The following PPP1R37 variants were observed in gnomAD, a reference collection of about 807,000 sequenced individuals.
PPP1R37 encodes the protein leucine rich repeat containing 68.
PPP1R37 carries 21 observed loss-of-function variants against 61.0 expected under a neutral mutation model. That is an observed-to-expected ratio of 0.34 (90% CI 0.24 to 0.50). The LOEUF is 0.50. PPP1R37 is among the 20% of genes least tolerant of loss of function. The pLI is 0.98. For missense variants in PPP1R37, 910 were observed against 952.7 expected (o/e 0.96, Z 0.59); for synonymous variants, 443 against 433.5 (o/e 1.02, Z -0.27).
At chr19:45,097,994 A>G (rs1028768156) in intron 1 of PPP1R37, among the ~76,000 whole-genome samples, 4 of 152,006 alleles carry the variant, frequency 2.6e-5, no homozygotes, top group Admixed American at 2.6e-4. Flanking sequence ...GTTCTTGCAG[A>G]GCATTGTGTT....
In PPP1R37 at chr19:45,098,080, TG is replaced by T. The variant is rs767242893; in HGVS notation, c.202+4558del. ...ATGTCAGAGGATAGGGTGAACCTGC[TG>T]GGGGCAGGTCTCCTCAGCAAGCCAC... On this transcript the variant is annotated intron_variant, in intron 1 of 12. Transcript: ENST00000221462. Among the ~76,000 whole-genome samples, 12 of 152,274 alleles carry T rather than the reference TG, an allele frequency of 7.9e-5. No individual in the cohort carries two copies. The East Asian group carries it at 2.3e-3, about 29-fold the overall frequency.
chr19:45,141,000 C>T (rs1030121188), intron 4 of PPP1R37, among the ~76,000 whole-genome samples: 1 of 152,142 alleles, frequency 6.6e-6, no homozygotes, highest in African/African-American at 2.4e-5. Flanking sequence ...TCCCCAGGCA[C>T]CCCAGGTGTC....
intron 8 of PPP1R37, chr19:45,144,512 G>A (rs973927810): frequency 9.7e-6 from 3 of 309,600 alleles, no homozygotes; most frequent in African/African-American, 2.2e-5. Flanking sequence ...GCGAGCACTC[G>A]TGTGCTCAAA....
chr19:45,119,868 CA>C, intron 1 of PPP1R37, among the ~76,000 whole-genome samples: 1 of 152,328 alleles, frequency 6.6e-6, no homozygotes, highest in Admixed American at 6.5e-5. Flanking sequence ...GCCGCCGCCC[CA>C]GGAGGGGCTT....
At chr19:45,117,583 T>C (rs1340205050) in intron 1 of PPP1R37, among the ~76,000 whole-genome samples, 4 of 151,976 alleles carry the variant, frequency 2.6e-5, no homozygotes, top group African/African-American at 9.7e-5. Flanking sequence ...CCTTCTACGG[T>C]GGGAGGTGAT....
At chr19:45,135,586 G>T (rs1726661197) in intron 1 of PPP1R37, among the ~76,000 whole-genome samples, 2 of 152,188 alleles carry the variant, frequency 1.3e-5, no homozygotes, top group Admixed American at 1.3e-4. Flanking sequence ...TGAGCCAGGG[G>T]CTAGGACTTG....
chr19:45,134,730 T>C lies in PPP1R37; in HGVS notation c.203-3784T>C, dbSNP rs184937979. On this transcript the variant is annotated intron_variant, in intron 1 of 12. Transcript: ENST00000221462. ...ACCCACCACCACGCCCGGCTAATTTTTGTATTTTTAGTAGAAGTGCATTTC... is the reference window on the plus strand; with the variant it reads ...ACCCACCACCACGCCCGGCTAATTTCTGTATTTTTAGTAGAAGTGCATTTC... Among the ~76,000 whole-genome samples the C allele has an allele frequency of 2.2e-4, 34 of 152,162 alleles. 1 individual carries two copies. The highest frequency in any genetic ancestry group is 8.0e-4 in the African/African-American group (33 of 41,492).
At chr19:45,094,652 C>T (rs536090860) in intron 1 of PPP1R37, among the ~76,000 whole-genome samples, 4 of 151,728 alleles carry the variant, frequency 2.6e-5, no homozygotes, top group East Asian at 3.9e-4. Flanking sequence ...CGTTTGAACC[C>T]GGGAGGTGGA....
intron 1 of PPP1R37, among the ~76,000 whole-genome samples, chr19:45,099,028 G>T (rs908214473): frequency 1.3e-5 from 2 of 152,116 alleles, no homozygotes; most frequent in Admixed American, 1.3e-4. Flanking sequence ...TGATTGGGAG[G>T]ATTAAGTGAG....
At chr19:45,125,297 T>C (rs1214441964) in intron 1 of PPP1R37, among the ~76,000 whole-genome samples, 1 of 151,912 alleles carries the variant, frequency 6.6e-6, no homozygotes, top group Non-Finnish European at 1.5e-5. Context: ...ACCCCGTCTC[T>C]ACTAAAAATA....
At chr19:45,132,981 G>A (rs1331438440) in intron 1 of PPP1R37, among the ~76,000 whole-genome samples, 1 of 152,212 alleles carries the variant, frequency 6.6e-6, no homozygotes, top group East Asian at 1.9e-4. Context: ...CCATTTTAGG[G>A]ATAAAACAGT....
Position 45,093,273 on chromosome 19 carries a change from A to C in PPP1R37, c.-53A>C. On this transcript the variant is annotated 5_prime_UTR_variant, in exon 1 of 13. Transcript: ENST00000221462. ...ACGGCGGGCGGACCCGGAGAGACAAATCCGGGGCCCGGGGCATGTCCCCGG... is the reference window on the plus strand; with the variant it reads ...ACGGCGGGCGGACCCGGAGAGACAACTCCGGGGCCCGGGGCATGTCCCCGG... The C allele has an allele frequency of 1.5e-6, 2 of 1,318,194 alleles. No homozygotes were observed. Among genetic ancestry groups the C allele is most frequent in the Non-Finnish European group, 1.9e-6 (2 of 1,026,952 alleles). The allele number at this position is 1,318,194 out of a possible 1,614,324, so 81.7% of individuals were successfully genotyped here.
rs546534256 is a variant in PPP1R37, at chr19:45,135,779, C to CTTTT, written c.203-2719_203-2716dup. Among the ~76,000 whole-genome samples the CTTTT allele has an allele frequency of 1.2e-3, 159 of 128,804 alleles. 1 individual carries two copies. The highest frequency in any genetic ancestry group is 4.2e-3 in the African/African-American group (141 of 33,200). The allele number at this position is 128,804 out of a possible 152,430, so 84.5% of individuals were successfully genotyped here. Reference sequence around the variant, plus strand: ...GATAGTTCCTCCAATTTTGCATTTCCTTTTTTTTTTTTTTTTTTTGGAAAT... The same window carrying CTTTT: ...GATAGTTCCTCCAATTTTGCATTTCCTTTTTTTTTTTTTTTTTTTTTTTGGAAAT... On this transcript the variant is annotated intron_variant, in intron 1 of 12. Transcript: ENST00000221462.
At chr19:45,120,128 C>G (rs1968322809) in intron 1 of PPP1R37, among the ~76,000 whole-genome samples, 1 of 150,360 alleles carries the variant, frequency 6.7e-6, no homozygotes, top group African/African-American at 2.4e-5. Flanking sequence ...CGCCATTCTC[C>G]TGCCTCAGCC....
chr19:45,095,706 T>A (rs1319639012), intron 1 of PPP1R37, among the ~76,000 whole-genome samples: 2 of 145,708 alleles, frequency 1.4e-5, no homozygotes, highest in Non-Finnish European at 3.0e-5. Context: ...GATAGTGCAG[T>A]GAACTGTGAT....
chr19:45,122,292 A>G (rs1032104857), intron 1 of PPP1R37, among the ~76,000 whole-genome samples: 4 of 152,150 alleles, frequency 2.6e-5, no homozygotes, highest in Non-Finnish European at 5.9e-5. Context: ...CCTGCCATAG[A>G]CAAGAAGGGA....
intron 1 of PPP1R37, among the ~76,000 whole-genome samples, chr19:45,123,241 T>A (rs2122732881): frequency 6.6e-6 from 1 of 152,212 alleles, no homozygotes; most frequent in East Asian, 1.9e-4. Context: ...TTGGGGGCTG[T>A]CCCAGGGGTG....
At chr19:45,146,121 G>A in intron 11 of PPP1R37, 72 bp downstream of exon 11, 1 of 1,410,234 alleles carries the variant, frequency 7.1e-7, no homozygotes, top group Non-Finnish European at 9.4e-7. Flanking sequence ...GCCCCTGCCT[G>A]TTGTGGACCT....
At chr19:45,137,038 G>GA (rs1301515773) in intron 1 of PPP1R37, 2 of 149,572 alleles carry the variant, frequency 1.3e-5, no homozygotes, top group Non-Finnish European at 3.0e-5. Flanking sequence ...GCAGCAGGGC[G>GA]AGGGGCCCCC....
Sources: allele counts gnomAD v4.1 joint callset (sites outside exome capture counted in the v4.1 genomes callset), GRCh38; gene constraint gnomAD v4.1.1; transcripts MANE v1.5; gene names NCBI Gene and HGNC (gene_info 2026-07-23, HGNC 2026-07-21).